Variants in RAB27A observed in about 807,000 individuals in gnomAD.
The protein encoded by RAB27A is RAB27A, member RAS oncogene family, also known as ras-related protein Rab-27A.
A neutral mutation model predicts 20.8 loss-of-function variants in RAB27A; 17 were observed. The observed-to-expected ratio is 0.82, with a 90% confidence interval of 0.56 to 1.23. RAB27A has a LOEUF of 1.23. Among genes scored for constraint, RAB27A ranks in the 50% most tolerant of loss-of-function variants. The pLI is 0.00. For missense variants in RAB27A, 277 were observed against 266.7 expected, an observed-to-expected ratio of 1.04 and a Z score of -0.27; for synonymous variants, 85 against 92.8, an observed-to-expected ratio of 0.92 and a Z score of 0.48.
chr15:55,299,969 C>T (rs899114861), intron 2 of RAB27A, among the ~76,000 whole-genome samples: 2 of 151,784 alleles, frequency 1.3e-5, no homozygotes, highest in Non-Finnish European at 1.5e-5. Flanking sequence ...TACAGGCGCC[C>T]GCCACCACAC....
chr15:55,209,328 A>G (rs985162929), intron 6 of RAB27A, among the ~76,000 whole-genome samples: 10 of 152,114 alleles, frequency 6.6e-5, no homozygotes, highest in South Asian at 2.1e-4. Context: ...GTATTCTCCA[A>G]TCTACTCTCT....
chr15:55,278,177 C>T (rs1897924165), intron 1 of RAB27A, among the ~76,000 whole-genome samples: 1 of 152,130 alleles, frequency 6.6e-6, no homozygotes, highest in Admixed American at 6.6e-5. Flanking sequence ...ATTTCCTTCC[C>T]ATTTTGTAAC....
chr15:55,233,894 C>T (rs1896146706), intron 3 of RAB27A, among the ~76,000 whole-genome samples: 1 of 152,126 alleles, frequency 6.6e-6, no homozygotes, highest in South Asian at 2.1e-4. Flanking sequence ...ATTCTATCAA[C>T]TACACGTCAA....
chr15:55,311,889 T>C (rs2055022287), intron 2 of RAB27A, among the ~76,000 whole-genome samples: 1 of 152,076 alleles, frequency 6.6e-6, no homozygotes, highest in Non-Finnish European at 1.5e-5. Flanking sequence ...TTACTGGGGG[T>C]CCTTACTCCC....
At chr15:55,311,145 C>G (rs943971343) in intron 2 of RAB27A, among the ~76,000 whole-genome samples, 1 of 152,164 alleles carries the variant, frequency 6.6e-6, no homozygotes, top group East Asian at 1.9e-4. Context: ...TACCAGAGAT[C>G]GCCAAACTCT....
intron 1 of RAB27A, among the ~76,000 whole-genome samples, chr15:55,286,904 G>GAT (rs1465016481): frequency 7.0e-6 from 1 of 142,146 alleles, no homozygotes; most frequent in East Asian, 2.2e-4. Flanking sequence ...TATCATCCTA[G>GAT]ATGTATTCTT....
intron 2 of RAB27A, among the ~76,000 whole-genome samples, chr15:55,301,059 C>G (rs1028243837): frequency 6.6e-6 from 1 of 152,124 alleles, no homozygotes; most frequent in African/African-American, 2.4e-5. Flanking sequence ...GACACTGGTA[C>G]AAGCAGACTA....
At chr15:55,303,161 G>A (rs2054981224) in intron 2 of RAB27A, among the ~76,000 whole-genome samples, 3 of 118,144 alleles carry the variant, frequency 2.5e-5, no homozygotes, top group East Asian at 3.6e-4. Context: ...CCGGCCAGCC[G>A]CCCCGTCCGG....
chr15:55,222,394 GCTAGC>G (rs1291823620), intron 6 of RAB27A, among the ~76,000 whole-genome samples: 1 of 152,064 alleles, frequency 6.6e-6, no homozygotes, highest in Non-Finnish European at 1.5e-5. Context: ...TTTTCACAAA[GCTAGC>G]CTCTGCCCAC....
At chr15:55,286,620 G>C (rs1367678951) in intron 1 of RAB27A, among the ~76,000 whole-genome samples, 2 of 152,126 alleles carry the variant, frequency 1.3e-5, no homozygotes, top group East Asian at 1.9e-4. Context: ...GGTATGGCTG[G>C]AGCAGAGTCA....
chr15:55,209,099 G>A (rs1396166144), intron 6 of RAB27A, among the ~76,000 whole-genome samples: 1 of 152,088 alleles, frequency 6.6e-6, no homozygotes, highest in Non-Finnish European at 1.5e-5. Flanking sequence ...GTATACTTGG[G>A]ATTGCCATAA....
At chr15:55,237,931 A>T (rs1447041459) in intron 2 of RAB27A, among the ~76,000 whole-genome samples, 1 of 152,218 alleles carries the variant, frequency 6.6e-6, no homozygotes, top group Non-Finnish European at 1.5e-5. Flanking sequence ...TCAAAGACTT[A>T]AATGAAACTA....
intron 1 of RAB27A, among the ~76,000 whole-genome samples, chr15:55,274,272 T>C (rs1413750112): frequency 1.3e-5 from 2 of 152,016 alleles, no homozygotes; most frequent in African/African-American, 4.8e-5. Flanking sequence ...TTTACAGCGA[T>C]AAATGCCTCC....
chr15:55,305,786 C>T (rs2054994110), intron 2 of RAB27A, among the ~76,000 whole-genome samples: 1 of 152,152 alleles, frequency 6.6e-6, no homozygotes, highest in African/African-American at 2.4e-5. Flanking sequence ...TGATCTTGCT[C>T]GGTGACCAGG....
chr15:55,254,335 AACCAAC>A (rs1897003809), intron 2 of RAB27A, among the ~76,000 whole-genome samples: 1 of 152,202 alleles, frequency 6.6e-6, no homozygotes, highest in Admixed American at 6.5e-5. Flanking sequence ...ATTAAAAATA[AACCAAC>A]ACATCTAACA....
chr15:55,250,008 C>A (rs1187397407), intron 2 of RAB27A, among the ~76,000 whole-genome samples: 1 of 152,052 alleles, frequency 6.6e-6, no homozygotes, highest in African/African-American at 2.4e-5. Context: ...GTCACCCAGG[C>A]CGGAGTGCAG....
upstream of RAB27A, among the ~76,000 whole-genome samples, chr15:55,294,520 G>A (rs1018765989): frequency 1.9e-4 from 28 of 149,084 alleles, no homozygotes; most frequent in African/African-American, 4.2e-4. Flanking sequence ...CCCAGGAAGC[G>A]GAGGTTGCAG....
At chr15:55,234,678 C>G in intron 3 of RAB27A, 104 bp downstream of exon 3, 5 of 1,295,324 alleles carry the variant, frequency 3.9e-6, no homozygotes, top group Non-Finnish European at 5.5e-6. Flanking sequence ...CCTTTAATTT[C>G]AGATCCCAAC....
chr15:55,232,151 A>G (rs887678086), intron 3 of RAB27A, among the ~76,000 whole-genome samples: 1 of 152,144 alleles, frequency 6.6e-6, no homozygotes, highest in Non-Finnish European at 1.5e-5. Flanking sequence ...CAACAAACAC[A>G]CAGAGACTCT....
Sources: gnomAD v4.1 joint callset for allele counts (sites outside exome capture counted in the v4.1 genomes callset) on GRCh38, gnomAD v4.1.1 for gene constraint, MANE v1.5 for transcripts, NCBI Gene and HGNC (gene_info 2026-07-23, HGNC 2026-07-21) for gene names.